CDH4: variants seen among roughly 807,000 people sequenced by gnomAD.
The protein encoded by CDH4 is cadherin-4.
Under a neutral mutation model 86.0 loss-of-function variants are expected in CDH4, and 33 were observed. The ratio of observed to expected loss-of-function variants is 0.38; its 90% confidence interval spans 0.29 to 0.51. CDH4 has a LOEUF of 0.51. CDH4 is among the 20% of genes least tolerant of loss of function. The pLI, the probability that CDH4 is intolerant of heterozygous loss-of-function variation, is 0.86. For missense variants in CDH4, 1,114 were observed against 1,307.4 expected, an observed-to-expected ratio of 0.85 and a Z score of 2.28; for synonymous variants, 555 against 549.4, an observed-to-expected ratio of 1.01 and a Z score of -0.14.
chr20:61,573,713 C>A (rs1290286210), intron 2 of CDH4, among the ~76,000 whole-genome samples: 18 of 152,200 alleles, frequency 1.2e-4, no homozygotes, highest in African/African-American at 4.3e-4. Flanking sequence ...CCTGCCATTC[C>A]TAGCAAGAGG....
intron 3 of CDH4, among the ~76,000 whole-genome samples, chr20:61,748,748 A>AAT (rs1201357640): frequency 6.6e-6 from 1 of 152,228 alleles, no homozygotes; most frequent in East Asian, 1.9e-4. Flanking sequence ...ATAACAAATT[A>AAT]ATATTACTCC....
At chr20:61,690,662 G>T (rs1291314226) in intron 2 of CDH4, among the ~76,000 whole-genome samples, 1 of 152,086 alleles carries the variant, frequency 6.6e-6, no homozygotes, top group Non-Finnish European at 1.5e-5. Flanking sequence ...TCTCCAGGTG[G>T]ACCTGGCAGA....
chr20:61,435,171 A>G (rs1170755163), intron 2 of CDH4, among the ~76,000 whole-genome samples: 3 of 152,324 alleles, frequency 2.0e-5, no homozygotes, highest in East Asian at 1.9e-4. Flanking sequence ...AGCAGAATTC[A>G]TGACAATGGG....
At position 61,375,402 on chromosome 20, in the gene CDH4, G is replaced by C. The variant is rs545522681; in HGVS notation, c.169+120465G>C. 3.3e-5 allele frequency among the ~76,000 whole-genome samples: 5 copies of C among 152,074 alleles called. No homozygotes were observed. In the East Asian group the frequency reaches 9.7e-4, roughly 29 times the overall value. ...GGATTGTGGTGATCATGGTGATCAT[G>C]GTGGAGGTGTTGGTGATGGTGCTGG... is the stretch of plus-strand genomic sequence containing the variant. On this transcript the variant is annotated intron_variant, in intron 2 of 15. Transcript: ENST00000614565.
At chr20:61,548,986 G>C (rs959991926) in intron 2 of CDH4, among the ~76,000 whole-genome samples, 40 of 152,098 alleles carry the variant, frequency 2.6e-4, no homozygotes, top group African/African-American at 9.2e-4. Context: ...CGGGTCTCGG[G>C]GGGAGAGGCG....
intron 2 of CDH4, among the ~76,000 whole-genome samples, chr20:61,529,029 A>G (rs535646581): frequency 2.0e-5 from 3 of 152,178 alleles, no homozygotes; most frequent in Non-Finnish European, 4.4e-5. Flanking sequence ...AGCCTGGAGT[A>G]TTTCGTTCCT....
At chr20:61,369,669 T>G (rs775004551) in intron 2 of CDH4, among the ~76,000 whole-genome samples, 7 of 151,856 alleles carry the variant, frequency 4.6e-5, no homozygotes, top group Non-Finnish European at 5.9e-5. Context: ...ACAGGAATTA[T>G]TTGTCCTCTT....
chr20:61,814,445 G>A (rs1439822709), intron 4 of CDH4, among the ~76,000 whole-genome samples: 3 of 152,294 alleles, frequency 2.0e-5, no homozygotes, highest in East Asian at 1.9e-4. Context: ...GGCTGCGGCC[G>A]CTCGACGACG....
chr20:61,790,220 CACCT>C (rs541238532), intron 4 of CDH4, among the ~76,000 whole-genome samples: 329 of 152,022 alleles, frequency 2.2e-3, no homozygotes, highest in African/African-American at 7.6e-3. Flanking sequence ...TCCATCCACC[CACCT>C]ACCATCCATC....
rs745476938 is a variant in CDH4 at position 61,309,098 on chromosome 20, G to T, written c.169+54161G>T. ...TGAATTTCAATATGGCAACGGCAGA[G>T]CATGGAGCCAAGCACAGGGCGCTTC... On this transcript the variant is annotated intron_variant, in intron 2 of 15. Coordinates refer to ENST00000614565, the MANE Select transcript of CDH4 (RefSeq NM_001794.5). Among the ~76,000 whole-genome samples the T allele has an allele frequency of 1.8e-4, 27 of 152,270 alleles. 1 individual carries two copies. Among genetic ancestry groups the T allele is most frequent in the Non-Finnish European group, 3.7e-4 (25 of 68,050 alleles).
At chr20:61,369,269 A>C (rs1007116764) in intron 2 of CDH4, among the ~76,000 whole-genome samples, 1 of 151,560 alleles carries the variant, frequency 6.6e-6, no homozygotes, top group Non-Finnish European at 1.5e-5. Context: ...TGGCCAACAT[A>C]GTGAAACCCC....
At chr20:61,815,614 A>G (rs1195644521) in intron 4 of CDH4, among the ~76,000 whole-genome samples, 1 of 152,232 alleles carries the variant, frequency 6.6e-6, no homozygotes, top group African/African-American at 2.4e-5. Context: ...TCCTCAGAGT[A>G]GAGAGCCCGC....
At chr20:61,692,841 G>GGT (rs770211453) in intron 2 of CDH4, among the ~76,000 whole-genome samples, 5 of 144,036 alleles carry the variant, frequency 3.5e-5, no homozygotes, top group African/African-American at 1.3e-4. Context: ...TTTGTTTTTT[G>GGT]TTTTTTTTTT....
intron 2 of CDH4, among the ~76,000 whole-genome samples, chr20:61,608,862 A>G (rs897282520): frequency 2.6e-5 from 4 of 152,046 alleles, no homozygotes; most frequent in Non-Finnish European, 4.4e-5. Flanking sequence ...GCAGATGTCC[A>G]CCTTCCGTAT....
chr20:61,671,024 G>A (rs537623981), intron 2 of CDH4, among the ~76,000 whole-genome samples: 17 of 152,246 alleles, frequency 1.1e-4, no homozygotes, highest in East Asian at 5.8e-4. Flanking sequence ...TATCAAATCC[G>A]GCTGCACAGT....
chr20:61,421,186 T>C (rs1172752692), intron 2 of CDH4, among the ~76,000 whole-genome samples: 1 of 152,208 alleles, frequency 6.6e-6, no homozygotes, highest in Admixed American at 6.5e-5. Flanking sequence ...CTGGGGCCGA[T>C]GTCTTCCCCT....
intron 2 of CDH4, among the ~76,000 whole-genome samples, chr20:61,661,128 C>T (rs1451535527): frequency 1.6e-5 from 2 of 126,970 alleles, no homozygotes; most frequent in East Asian, 2.2e-4. Context: ...CAGGTGGGTG[C>T]GGTAGGGCAG....
At chr20:61,878,000 GC>G (rs1568863036) in intron 7 of CDH4, among the ~76,000 whole-genome samples, 1 of 152,054 alleles carries the variant, frequency 6.6e-6, no homozygotes. Flanking sequence ...AACCACGGGG[GC>G]CCCAGAGGGA....
chr20:61,619,165 C>T (rs2086749421), intron 2 of CDH4, among the ~76,000 whole-genome samples: 1 of 152,184 alleles, frequency 6.6e-6, no homozygotes, highest in South Asian at 2.1e-4. Flanking sequence ...ACAGGTGATG[C>T]TTTGCTATTG....
Sources: gnomAD v4.1 joint callset for allele counts (sites outside exome capture counted in the v4.1 genomes callset) on GRCh38, gnomAD v4.1.1 for gene constraint, MANE v1.5 for transcripts, NCBI Gene and HGNC (gene_info 2026-07-23, HGNC 2026-07-21) for gene names.